WNK1: variants seen among roughly 807,000 people sequenced by gnomAD.
The protein encoded by WNK1 is WNK lysine deficient protein kinase 1, also known as serine/threonine-protein kinase WNK1.
Under a neutral mutation model 222.8 loss-of-function variants are expected in WNK1, and 38 were observed. The ratio of observed to expected loss-of-function variants is 0.17; its 90% CI spans 0.13 to 0.22. The LOEUF (loss-of-function observed/expected upper bound fraction) is 0.22. Among genes scored for constraint, WNK1 ranks in the 10% least tolerant of loss-of-function variants. WNK1 has a pLI of 1.00. For synonymous variants in WNK1, 1,090 were observed against 1,092.9 expected, an observed-to-expected ratio of 1.00 and a Z score of 0.05; for missense variants, 2,348 against 2,918.4, an observed-to-expected ratio of 0.80 and a Z score of 4.50.
At chr12:886,880 A>AG (rs1406595725) in intron 19 of WNK1, among the ~76,000 whole-genome samples, 3 of 152,192 alleles carry the variant, frequency 2.0e-5, no homozygotes, top group Non-Finnish European at 4.4e-5. Context: ...TTACATGGCG[A>AG]AAGTCTGATA....
At chr12:891,853 A>G (rs867081654) in intron 22 of WNK1, among the ~76,000 whole-genome samples, 8 of 151,778 alleles carry the variant, frequency 5.3e-5, no homozygotes, top group Non-Finnish European at 1.0e-4. Context: ...GCCTGAGCCC[A>G]GGAGTTCCAG....
chr12:882,009 G>A lies in WNK1; in HGVS notation c.3308G>A (p.Arg1103Gln), dbSNP rs759393010. 6 of 1,613,966 alleles carry A rather than the reference G, an allele frequency of 3.7e-6. No individual in the cohort carries two copies. Among genetic ancestry groups the A allele is most frequent in the East Asian group, 2.2e-5 (1 of 44,896 alleles). ...GGAAGAACTACAAAACGGCATTACC[G>A]AAAATCTGTAAGGAGTCGCTCTCGA... ...HEGRTTKRHY[R>Q]KSVRSRSRHE... The change falls in exon 14 of 28, where the codon CGA (arginine) becomes CAA (glutamine). Residue 1103 changes from arginine to glutamine, a missense_variant. By Grantham distance (43) the Arg-to-Gln change is conservative (BLOSUM62 1). This residue lies in a region of WNK1 where 547 missense variants were observed against 558.3 expected (regional missense o/e 0.98). Coordinates refer to ENST00000315939, the MANE Select transcript of WNK1 (RefSeq NM_018979.4).
chr12:781,573 A>G (rs1025324168), intron 1 of WNK1, among the ~76,000 whole-genome samples: 12 of 152,184 alleles, frequency 7.9e-5, no homozygotes, highest in African/African-American at 2.9e-4. Flanking sequence ...TCTTCATTAG[A>G]TAAATTAAAT....
chr12:798,486 C>T (rs536892520), intron 1 of WNK1, among the ~76,000 whole-genome samples: 1 of 152,314 alleles, frequency 6.6e-6, no homozygotes, highest in South Asian at 2.1e-4. Context: ...GCCACCAAGC[C>T]CAGCCTTACT....
At chr12:902,731 C>T (rs1296998038) in intron 26 of WNK1, among the ~76,000 whole-genome samples, 1 of 152,198 alleles carries the variant, frequency 6.6e-6, no homozygotes, top group Non-Finnish European at 1.5e-5. Flanking sequence ...TCGTACAAAT[C>T]AAGCTAAGAT....
chr12:812,469 C>G (rs1946994552), intron 1 of WNK1, among the ~76,000 whole-genome samples: 2 of 152,128 alleles, frequency 1.3e-5, no homozygotes, highest in Admixed American at 1.3e-4. Context: ...AGGGCTTATT[C>G]TATGGGGGAT....
chr12:820,624 A>G (rs1947782583), intron 2 of WNK1, among the ~76,000 whole-genome samples: 1 of 151,840 alleles, frequency 6.6e-6, no homozygotes, highest in Admixed American at 6.6e-5. Context: ...CCAGGTGTGT[A>G]CCACCATGCC....
chr12:815,186 G>A (rs1947247881), intron 2 of WNK1, among the ~76,000 whole-genome samples: 1 of 152,170 alleles, frequency 6.6e-6, no homozygotes, highest in Non-Finnish European at 1.5e-5. Flanking sequence ...GTGGCTCAGT[G>A]GTTGGGGACC....
intron 8 of WNK1, chr12:864,972 A>G: frequency 9.7e-7 from 1 of 1,029,920 alleles, no homozygotes. Flanking sequence ...AGCTCTCCTC[A>G]AAAAAAAAAC....
intron 2 of WNK1, among the ~76,000 whole-genome samples, chr12:824,386 T>C (rs1318782997): frequency 6.6e-6 from 1 of 152,126 alleles, no homozygotes; most frequent in African/African-American, 2.4e-5. Flanking sequence ...CCATTTGTAA[T>C]ATGGAGCAGA....
rs926467368 is a variant in WNK1 at position 753,193 on chromosome 12, G to A, written c.-373G>A. ...GAGCCGCGTCCGCCGCATCCGCCTCGACTCGGTGCCGGCCCCTGGCCCTCC... is the reference window on the plus strand; with the variant it reads ...GAGCCGCGTCCGCCGCATCCGCCTCAACTCGGTGCCGGCCCCTGGCCCTCC... On this transcript the variant is annotated 5_prime_UTR_variant, in exon 1 of 28. Coordinates refer to ENST00000315939, the MANE Select transcript of WNK1 (RefSeq NM_018979.4). This position sits in a 1 kb window ranked among gnomAD's most constrained non-coding sequence, Gnocchi z 5.2. 3.9e-5 allele frequency: 7 copies of A among 179,002 alleles called. No homozygotes were observed. Among genetic ancestry groups the A allele is most frequent in the African/African-American group, 1.7e-4 (7 of 42,424 alleles). The allele number at this position is 179,002 out of a possible 1,614,324, so 11.1% of individuals were successfully genotyped here.
intron 1 of WNK1, among the ~76,000 whole-genome samples, chr12:769,254 A>G (rs1565401774): frequency 1.3e-5 from 2 of 151,872 alleles, no homozygotes; most frequent in South Asian, 2.1e-4. Context: ...GCTGGAGTGC[A>G]GTGGCACCAT....
At chr12:889,401 C>T (rs1258503557) in intron 21 of WNK1, among the ~76,000 whole-genome samples, 178 bp downstream of exon 21, 1 of 152,170 alleles carries the variant, frequency 6.6e-6, no homozygotes, top group African/African-American at 2.4e-5. Context: ...TCAGGAGTAT[C>T]ACTATGGAAA....
rs764758850 is a variant in WNK1, at chr12:753,627, C to T, written c.62C>T (p.Pro21Leu). Residue 21 changes from proline to leucine, a missense_variant, in exon 1 of 28, where the codon CCG becomes CTG. Coordinates refer to ENST00000315939, the MANE Select transcript of WNK1 (RefSeq NM_018979.4). The surrounding 1 kb of genome is among the most constrained non-coding windows in gnomAD (Gnocchi z 5.2). ...STPGSLFLSP[P>L]APAPKNGSSS... is the part of the protein sequence containing the mutation. ...CCCGGTTCCCTGTTCCTCTCGCCGC[C>T]GGCTCCTGCCCCCAAGAATGGCTCC... 6.2e-6 allele frequency: 10 copies of T among 1,612,762 alleles called. No individual in the cohort carries two copies. Among genetic ancestry groups the T allele is most frequent in the African/African-American group, 1.3e-5 (1 of 75,050 alleles).
rs16928108 is a variant in WNK1, at chr12:880,231, A to G, written c.2832+200A>G. Among the ~76,000 whole-genome samples the G allele has an allele frequency of 0.13, 20,145 of 152,238 alleles. 1,591 individuals are homozygous for G. The highest frequency in any genetic ancestry group is 0.23 in the Middle Eastern group (68 of 294). The stretch of plus-strand genomic sequence containing the variant: ...TCCATTTTTCTCAAGACACTTCTTC[A>G]GAGAAAAATGGTTCTCTCAGTATTC... On this transcript the variant is annotated intron_variant, in intron 11 of 27. Transcript: ENST00000315939.
chr12:865,307 C>T lies in WNK1; in HGVS notation c.2139+3037C>T, dbSNP rs1003031363. ...CATTGGAGAGTGTCCTGCCTATGCACTCTGCCTCTCAGCGCAAGCACCGAC... is the reference window on the plus strand; with the variant it reads ...CATTGGAGAGTGTCCTGCCTATGCATTCTGCCTCTCAGCGCAAGCACCGAC... On this transcript the variant is annotated intron_variant, in intron 8 of 27. Transcript: ENST00000315939. 54 of 1,536,018 alleles carry T rather than the reference C, an allele frequency of 3.5e-5. No individual in the cohort carries two copies. Among genetic ancestry groups the T allele is most frequent in the Non-Finnish European group, 4.7e-5 (54 of 1,146,912 alleles).
At chr12:779,397 G>GTTTTTTTTTTTTTTTTTTT (rs5795950) in intron 1 of WNK1, among the ~76,000 whole-genome samples, 4 of 124,274 alleles carry the variant, frequency 3.2e-5, no homozygotes, top group Non-Finnish European at 5.1e-5. Context: ...TTTCTTTTCT[G>GTTTTTTTTTTTTTTTTTTT]TTTTTTTTTT....
rs146586443 is a variant in WNK1, at chr12:886,025, A to G, written c.5221A>G (p.Thr1741Ala). The change falls in exon 19 of 28, where the codon ACT (threonine) becomes GCT (alanine). Residue 1741 changes from threonine to alanine, a missense_variant. Thr to Ala is a moderately conservative substitution (Grantham distance 58, BLOSUM62 0). Coordinates refer to ENST00000315939, the MANE Select transcript of WNK1 (RefSeq NM_018979.4). ...PGQVSTPVST[T>A]TSGVKPGTAP... is the part of the protein sequence containing the mutation. ...GCAAGTTTCTACCCCAGTCAGCACT[A>G]CTACATCAGGAGTGAAACCTGGAAC... 61 of 1,598,770 alleles carry G rather than the reference A, an allele frequency of 3.8e-5. No individual in the cohort carries two copies. In the African/African-American group the frequency reaches 7.8e-4, roughly 21 times the overall value.
Position 896,586 on chromosome 12 carries a change from C to T in WNK1, c.6099C>T (p.Pro2033=). The T allele has an allele frequency of 1.2e-6, 2 of 1,610,534 alleles. No individual in the cohort carries two copies. The highest frequency in any genetic ancestry group is 1.7e-6 in the Non-Finnish European group (2 of 1,178,270). ...ATGGTTCCGGTAGTCCACACTCGCC[C>T]CATCAGCTGAGCTCAAAGAGCCTTC... ...VDDGSGSPHS[P]HQLSSKSLPS... is the part of the protein sequence containing the mutation. Residue 2033 remains proline (P), a synonymous_variant, in exon 24 of 28, where the codon CCC becomes CCT. Transcript: ENST00000315939.
Sources: gnomAD v4.1 joint callset for allele counts (sites outside exome capture counted in the v4.1 genomes callset) on GRCh38, gnomAD v4.1.1 for gene constraint, gnomAD v4.1.1 regional missense constraint, Gnocchi (gnomAD v3.1) non-coding constraint, MANE v1.5 for transcripts, NCBI Gene and HGNC (gene_info 2026-07-23, HGNC 2026-07-21) for gene names.